AKR1C3: variants seen among roughly 807,000 people sequenced by gnomAD.
The protein encoded by AKR1C3 is aldo-keto reductase family 1 member C3.
In AKR1C3, 48 loss-of-function variants were observed where a neutral mutation model predicts 43.6. The ratio of observed to expected loss-of-function variants is 1.10; its 90% CI spans 0.87 to 1.40. The LOEUF is 1.40. Ranked by LOEUF, AKR1C3 falls within the 40% of genes most tolerant of loss-of-function variation. The pLI is 0.00. For missense variants in AKR1C3, 482 were observed against 391.2 expected, an observed-to-expected ratio of 1.23 and a Z score of -1.96; for synonymous variants, 162 against 139.6, an observed-to-expected ratio of 1.16 and a Z score of -1.13.
upstream of AKR1C3, among the ~76,000 whole-genome samples, chr10:5,089,735 C>A (rs149741374): frequency 1.3e-3 from 196 of 152,146 alleles, no homozygotes; most frequent in African/African-American, 4.5e-3. Context: ...TGACGTTTCT[C>A]AATTTTATTT....
rs561699319 is a variant in AKR1C3 at position 5,102,229 on chromosome 10, C to G, written c.680+19C>G. ...AACGATGGTAATAAAAACAATGGGA[C>G]CTTTACATAAACCTTCATTTTGCAG... is the stretch of plus-strand genomic sequence containing the variant. On this transcript the variant is annotated intron_variant, in intron 6 of 8. Transcript: ENST00000380554. 14 of 1,601,426 alleles carry G rather than the reference C, an allele frequency of 8.7e-6. No homozygotes were observed. In the South Asian group the frequency reaches 1.5e-4, roughly 18 times the overall value.
At chr10:5,101,586 C>A (rs533989497) in intron 5 of AKR1C3, among the ~76,000 whole-genome samples, 1 of 152,266 alleles carries the variant, frequency 6.6e-6, no homozygotes, top group African/African-American at 2.4e-5. Context: ...TTACTCTGGA[C>A]TTGGACATTT....
At chr10:5,104,736 A>AAT (rs1226494825) in intron 7 of AKR1C3, among the ~76,000 whole-genome samples, 5 of 152,076 alleles carry the variant, frequency 3.3e-5, no homozygotes, top group East Asian at 1.9e-4. Context: ...ATGGCCTTTT[A>AAT]ATATATATAT....
upstream of AKR1C3, among the ~76,000 whole-genome samples, chr10:5,092,484 T>C (rs1235423513): frequency 2.0e-3 from 1 of 498 alleles, no homozygotes; most frequent in Non-Finnish European, 0.038. Context: ...CTCTTTACTC[T>C]TTTTTTTTTT....
At chr10:5,060,378 T>G (rs1187312916) in intron 1 of AKR1C3, among the ~76,000 whole-genome samples, 155 of 152,308 alleles carry the variant, frequency 1.0e-3, no homozygotes, top group Admixed American at 4.4e-3. Flanking sequence ...TCCGTTTTGA[T>G]GGTGCTGATT....
At chr10:5,053,924 C>A (rs1554779271) in intron 1 of AKR1C3, among the ~76,000 whole-genome samples, 1 of 152,074 alleles carries the variant, frequency 6.6e-6, no homozygotes, top group African/African-American at 2.4e-5. Context: ...ACAAATTTGA[C>A]AAGAAGGTTA....
At chr10:5,073,384 G>A (rs1588340307) in intron 1 of AKR1C3, among the ~76,000 whole-genome samples, 2 of 152,150 alleles carry the variant, frequency 1.3e-5, no homozygotes, top group African/African-American at 2.4e-5. Flanking sequence ...AGACTTGACA[G>A]TTGTCCCAAA....
At chr10:5,075,232 G>A (rs7923027) in intron 1 of AKR1C3, among the ~76,000 whole-genome samples, 46,067 of 151,614 alleles carry the variant, frequency 0.3, 7,182 homozygotes, top group Middle Eastern at 0.44. Flanking sequence ...TGGTTTACAC[G>A]TTGCTCTGTG....
intron 1 of AKR1C3, among the ~76,000 whole-genome samples, chr10:5,073,582 C>T (rs1554781525): frequency 6.6e-6 from 1 of 152,184 alleles, no homozygotes. Flanking sequence ...CAGCGAGCAG[C>T]TCCAGCCCAG....
intron 8 of AKR1C3, among the ~76,000 whole-genome samples, chr10:5,106,632 T>A (rs1554787315): frequency 6.6e-6 from 1 of 151,976 alleles, no homozygotes; most frequent in Non-Finnish European, 1.5e-5. Context: ...TTACCTGTAA[T>A]CCCAGCTACT....
chr10:5,099,178 G>C lies in AKR1C3; in HGVS notation c.448-149G>C, dbSNP rs782228769. The C allele has an allele frequency of 2.4e-4, 326 of 1,342,272 alleles. 1 individual carries two copies. Among genetic ancestry groups the C allele is most frequent in the Non-Finnish European group, 3.2e-4 (316 of 991,904 alleles). The allele number at this position is 1,342,272 out of a possible 1,614,324, so 83.1% of individuals were successfully genotyped here. A position where few individuals can be genotyped will look rare whatever the true frequency, so the allele number is the denominator to read the frequency against. On this transcript the variant is annotated intron_variant, in intron 4 of 8. Coordinates refer to ENST00000380554, the MANE Select transcript of AKR1C3 (RefSeq NM_003739.6). ...CTGCCTCTATCTTCTTCCCCTATTT[G>C]CTGTTTGAATTTTTCTTTTTTTGAC...
intron 6 of AKR1C3, 89 bp downstream of exon 6, chr10:5,102,299 T>G: frequency 6.3e-7 from 1 of 1,581,422 alleles, no homozygotes; most frequent in Non-Finnish European, 8.7e-7. Context: ...TAGTTAAGTT[T>G]CAAGTGGCTC....
At chr10:5,058,428 C>T (rs1392634730) in intron 1 of AKR1C3, among the ~76,000 whole-genome samples, 2 of 152,126 alleles carry the variant, frequency 1.3e-5, no homozygotes, top group African/African-American at 2.4e-5. Flanking sequence ...ACAAATGAGC[C>T]ACCTCTTTTT....
intron 1 of AKR1C3, chr10:5,081,880 A>C (rs1294214798): frequency 2.0e-5 from 3 of 152,180 alleles, no homozygotes; most frequent in Non-Finnish European, 2.9e-5. Context: ...ACAGAAGAAG[A>C]AACCAGTGAG....
chr10:5,068,227 A>G (rs142671067), intron 1 of AKR1C3, among the ~76,000 whole-genome samples: 1,610 of 152,312 alleles, frequency 0.011, 35 homozygotes, highest in African/African-American at 0.037. Context: ...TAGAAATTCC[A>G]TATAATCTTA....
At chr10:5,093,044 CTG>C (rs1839129914), upstream of AKR1C3, among the ~76,000 whole-genome samples, 1 of 152,188 alleles carries the variant, frequency 6.6e-6, no homozygotes, top group East Asian at 1.9e-4. Flanking sequence ...TCTGCCTGGA[CTG>C]TGTGTGCCCA....
intron 3 of AKR1C3, chr10:5,098,028 T>G: frequency 1.0e-6 from 1 of 1,001,690 alleles, no homozygotes; most frequent in Non-Finnish European, 1.2e-6. Context: ...AGCTTTATTA[T>G]TCTGCTGCCT....
At chr10:5,097,095 C>T (rs1239465995) in intron 2 of AKR1C3, among the ~76,000 whole-genome samples, 1 of 152,074 alleles carries the variant, frequency 6.6e-6, no homozygotes, top group African/African-American at 2.4e-5. Flanking sequence ...TATTCTTAAG[C>T]ATTGGGTTGA....
At chr10:5,067,874 C>T (rs1462828978) in intron 1 of AKR1C3, among the ~76,000 whole-genome samples, 2 of 152,246 alleles carry the variant, frequency 1.3e-5, no homozygotes, top group African/African-American at 4.8e-5. Context: ...GACAATGTGG[C>T]CATCCTGGTT....
Sources: allele counts gnomAD v4.1 joint callset (sites outside exome capture counted in the v4.1 genomes callset), GRCh38; gene constraint gnomAD v4.1.1; transcripts MANE v1.5; gene names NCBI Gene and HGNC (gene_info 2026-07-23, HGNC 2026-07-21).